The following PCDHGB1 variants were observed in gnomAD, a reference collection of about 807,000 sequenced individuals.
PCDHGB1 encodes protocadherin gamma-B1.
PCDHGB1 carries 34 observed loss-of-function variants against 56.6 expected under a neutral mutation model. That is an observed-to-expected ratio of 0.60 (90% confidence interval 0.46 to 0.80). The LOEUF (loss-of-function observed/expected upper bound fraction) is 0.80, where lower values mean the gene tolerates loss of function less well. PCDHGB1 is among the 30% of genes least tolerant of loss of function. The pLI, the probability that PCDHGB1 is intolerant of heterozygous loss-of-function variation, is 0.00. For missense variants in PCDHGB1, 1,278 were observed against 1,204.6 expected (o/e 1.06, Z -0.90); for synonymous variants, 561 against 505.9 (o/e 1.11, Z -1.46).
At chr5:141,390,047 C>T in intron 1 of PCDHGB1, 1 of 1,614,074 alleles carries the variant, frequency 6.2e-7, no homozygotes, top group Non-Finnish European at 8.5e-7. Flanking sequence ...GCCCCGCCTC[C>T]TGGAGCTGCT....
rs748803155 is a variant in PCDHGB1, at chr5:141,490,087, G to C, written c.2410-4720G>C. ...CGGCCAACTAGACTATTCTTTTGGAGACCACACATCTGAGGCAGTGCGGAA... is the reference window on the plus strand; with the variant it reads ...CGGCCAACTAGACTATTCTTTTGGACACCACACATCTGAGGCAGTGCGGAA... On this transcript the variant is annotated intron_variant, in intron 1 of 3. Transcript: ENST00000523390. The surrounding 1 kb of genome is among the most constrained non-coding windows in gnomAD (Gnocchi z 5.4). 1.9e-6 allele frequency: 3 copies of C among 1,614,244 alleles called. No individual in the cohort carries two copies. Among genetic ancestry groups the C allele is most frequent in the Non-Finnish European group, 2.5e-6 (3 of 1,180,044 alleles).
chr5:141,477,697 T>G lies in PCDHGB1; in HGVS notation c.2410-17110T>G, dbSNP rs745625196. ...TGTCATCCTTAGTGCCCCTAGACTA[T>G]GAGGATCGGCGGGAATTTGAATTAA... On this transcript the variant is annotated intron_variant, in intron 1 of 3. Coordinates refer to ENST00000523390, the MANE Select transcript of PCDHGB1 (RefSeq NM_018922.3). The surrounding 1 kb of genome is among the most constrained non-coding windows in gnomAD (Gnocchi z 4.9). 6.2e-7 allele frequency: 1 copy of G among 1,614,160 alleles called. No homozygotes were observed. Among genetic ancestry groups the G allele is most frequent in the South Asian group, 1.1e-5 (1 of 91,090 alleles).
chr5:141,497,885 A>T (rs1469477968), intron 2 of PCDHGB1, among the ~76,000 whole-genome samples: 1 of 152,166 alleles, frequency 6.6e-6, no homozygotes, highest in Non-Finnish European at 1.5e-5. Flanking sequence ...AAGCGTTAGG[A>T]TCTAGTCCAG....
intron 1 of PCDHGB1, chr5:141,421,565 A>T (rs1373619696): frequency 1.2e-6 from 2 of 1,613,834 alleles, no homozygotes; most frequent in Admixed American, 3.3e-5. Context: ...CTCGTGGAAG[A>T]CACCTTGAAG....
chr5:141,490,143 A>G lies in PCDHGB1; in HGVS notation c.2410-4664A>G. On this transcript the variant is annotated intron_variant, in intron 1 of 3. Transcript: ENST00000523390. The surrounding 1 kb of genome is among the most constrained non-coding windows in gnomAD (Gnocchi z 5.4). ...TTGGCCTAGACCCTAGCAGTGGGGC[A>G]ATCCATGTGTTGGGTCCCATAGACT... is the stretch of plus-strand genomic sequence containing the variant. 1 of 1,614,234 alleles carries G rather than the reference A, an allele frequency of 6.2e-7. No homozygotes were observed. The highest frequency in any genetic ancestry group is 8.5e-7 in the Non-Finnish European group (1 of 1,180,034).
intron 1 of PCDHGB1, chr5:141,404,222 G>A (rs1407928050): frequency 6.2e-7 from 1 of 1,613,616 alleles, no homozygotes; most frequent in Admixed American, 1.7e-5. Context: ...CACGGTGACT[G>A]CAACAGACAG....
chr5:141,486,150 G>T lies in PCDHGB1; in HGVS notation c.2410-8657G>T. The T allele has an allele frequency of 6.2e-7, 1 of 1,614,180 alleles. No individual in the cohort carries two copies. The highest frequency in any genetic ancestry group is 8.5e-7 in the Non-Finnish European group (1 of 1,180,030). On this transcript the variant is annotated intron_variant, in intron 1 of 3. Transcript: ENST00000523390. This position sits in a 1 kb window ranked among gnomAD's most constrained non-coding sequence, Gnocchi z 5.0. The stretch of plus-strand genomic sequence containing the variant: ...TTTGATGTGCGGGCTCGCGATGGGG[G>T]TTCTCCAGCCATGGAGCAACATTGC...
chr5:141,438,337 T>C (rs935624931), intron 1 of PCDHGB1, among the ~76,000 whole-genome samples: 25 of 151,926 alleles, frequency 1.6e-4, no homozygotes, highest in Non-Finnish European at 1.9e-4. Context: ...ACATGTCATA[T>C]AAGGATCTAC....
At chr5:141,355,104 G>C (rs1304970044) in intron 1 of PCDHGB1, 1 of 1,504,756 alleles carries the variant, frequency 6.6e-7, no homozygotes, top group African/African-American at 1.4e-5. Flanking sequence ...AGCTCTGGCT[G>C]TGAATGCACT....
chr5:141,509,144 G>C (rs969990007), intron 3 of PCDHGB1, among the ~76,000 whole-genome samples: 14 of 152,114 alleles, frequency 9.2e-5, no homozygotes, highest in Admixed American at 2.0e-4. Context: ...GGCGCATCCC[G>C]GCTCTCCCCT....
In PCDHGB1 at chr5:141,351,157, C is replaced by G. The variant is rs748506914; in HGVS notation, c.897C>G (p.Thr299=). 2 of 1,614,010 alleles carry G rather than the reference C, an allele frequency of 1.2e-6. No individual in the cohort carries two copies. Among genetic ancestry groups the G allele is most frequent in the South Asian group, 1.1e-5 (1 of 91,082 alleles). The change falls in exon 1 of 4, where the codon ACC becomes ACG. Residue 299 remains threonine, a synonymous_variant. Coordinates refer to ENST00000523390, the MANE Select transcript of PCDHGB1 (RefSeq NM_018922.3). ...NLNPNTGDIT[T]NGTLDFEETS... ...ATCCAAATACTGGCGACATCACAAC[C>G]AATGGCACATTGGATTTTGAAGAGA...
chr5:141,403,489 C>T (rs187216481), intron 1 of PCDHGB1: 2 of 1,614,050 alleles, frequency 1.2e-6, no homozygotes, highest in East Asian at 2.2e-5. Flanking sequence ...ACCACTTCTC[C>T]CTGAACGTGC....
intron 1 of PCDHGB1, chr5:141,389,851 C>T (rs375044667): frequency 6.2e-7 from 1 of 1,614,054 alleles, no homozygotes; most frequent in Non-Finnish European, 8.5e-7. Context: ...TCGGCCACTG[C>T]CACGTTGCAC....
chr5:141,370,565 C>A, intron 1 of PCDHGB1: 4 of 1,613,782 alleles, frequency 2.5e-6, no homozygotes, highest in African/African-American at 1.3e-5. Context: ...TGGGGTTTGG[C>A]GTGGGGGATT....
At chr5:141,453,311 A>C (rs2098762053) in intron 1 of PCDHGB1, among the ~76,000 whole-genome samples, 1 of 151,602 alleles carries the variant, frequency 6.6e-6, no homozygotes, top group African/African-American at 2.4e-5. Flanking sequence ...TTATTTATTT[A>C]TTTTAGAGAT....
At chr5:141,403,773 AC>A (rs2094454199) in intron 1 of PCDHGB1, 1 of 1,613,838 alleles carries the variant, frequency 6.2e-7, no homozygotes, top group South Asian at 1.1e-5. Flanking sequence ...GAGGGAATCA[AC>A]GGAAAAGTGG....
chr5:141,431,725 G>A lies in PCDHGB1; in HGVS notation c.2410-63082G>A. The A allele has an allele frequency of 6.2e-7, 1 of 1,614,230 alleles. No individual in the cohort carries two copies. Among genetic ancestry groups the A allele is most frequent in the Non-Finnish European group, 8.5e-7 (1 of 1,180,044 alleles). On this transcript the variant is annotated intron_variant, in intron 1 of 3. Coordinates refer to ENST00000523390, the MANE Select transcript of PCDHGB1 (RefSeq NM_018922.3). The surrounding 1 kb of genome is among the most constrained non-coding windows in gnomAD (Gnocchi z 4.8). Reference sequence around the variant, plus strand: ...TCTACCAGATGGAAGTGCAAGCAATGGATAATGCAGGATATTCTGCGCGAG... The same window carrying A: ...TCTACCAGATGGAAGTGCAAGCAATAGATAATGCAGGATATTCTGCGCGAG...
chr5:141,381,826 C>CT (rs770630741), intron 1 of PCDHGB1, among the ~76,000 whole-genome samples: 11,762 of 74,396 alleles, frequency 0.16, 1,041 homozygotes, highest in Non-Finnish European at 0.18. Flanking sequence ...CTTTCTTCTT[C>CT]TTTTTTTTTT....
At chr5:141,390,565 G>A in intron 1 of PCDHGB1, 2 of 420,818 alleles carry the variant, frequency 4.8e-6, no homozygotes, top group Non-Finnish European at 8.5e-6. Context: ...ACAGTTGTTG[G>A]CTCTCTCCTA....
Sources: allele counts gnomAD v4.1 joint callset (sites outside exome capture counted in the v4.1 genomes callset), GRCh38; gene constraint gnomAD v4.1.1; non-coding constraint Gnocchi (gnomAD v3.1); transcripts MANE v1.5; gene names NCBI Gene and HGNC (gene_info 2026-07-23, HGNC 2026-07-21).